The following RPS6KA2 variants were observed in gnomAD, a reference collection of about 807,000 sequenced individuals.
The protein encoded by RPS6KA2 is ribosomal protein S6 kinase alpha-2.
RPS6KA2 carries 42 observed loss-of-function variants against 91.8 expected under a neutral mutation model. That is an observed-to-expected ratio of 0.46 (90% CI 0.36 to 0.59). The LOEUF (loss-of-function observed/expected upper bound fraction) is 0.59. Ranked by LOEUF, RPS6KA2 falls within the 20% of genes least tolerant of loss-of-function variation. The probability of loss-of-function intolerance (pLI) is 0.00; values close to 1 mark genes in which losing one functional copy is unlikely to be tolerated. For synonymous variants in RPS6KA2, 414 were observed against 393.6 expected (o/e 1.05, Z -0.61); for missense variants, 798 against 978.5 (o/e 0.82, Z 2.46).
chr6:166,659,247 A>T (rs541748589), intron 2 of RPS6KA2, among the ~76,000 whole-genome samples: 1 of 152,364 alleles, frequency 6.6e-6, no homozygotes, highest in East Asian at 1.9e-4. Flanking sequence ...ATTAAAAACC[A>T]AAATTAAAAC....
intron 10 of RPS6KA2, among the ~76,000 whole-genome samples, chr6:166,486,265 C>G (rs1304477452): frequency 3.2e-5 from 2 of 62,064 alleles, no homozygotes; most frequent in African/African-American, 1.6e-4. Flanking sequence ...AGCACACACA[C>G]ACACATGTGC....
intron 1 of RPS6KA2, among the ~76,000 whole-genome samples, chr6:166,594,170 G>A (rs1350916691): frequency 2.0e-5 from 3 of 152,148 alleles, no homozygotes; most frequent in Non-Finnish European, 2.9e-5. Context: ...AATGGTGGCG[G>A]TAAAATTCTG....
rs1790356376 is a variant in RPS6KA2 at position 166,726,954 on chromosome 6, T to A, written c.123+131246A>T. Among the ~76,000 whole-genome samples the A allele has an allele frequency of 6.6e-6, 1 of 152,192 alleles. No homozygotes were observed. The highest frequency in any genetic ancestry group is 6.5e-5 in the Admixed American group (1 of 15,290). On this transcript the variant is annotated intron_variant, in intron 2 of 21. Transcript: ENST00000503859. This position sits in a 1 kb window ranked among gnomAD's most constrained non-coding sequence, Gnocchi z 4.4. ...TGATTTCCGTGAAGAATTTCCCACTTGCACTCATGAAGACATGGCCATTCC... is the reference window on the plus strand; with the variant it reads ...TGATTTCCGTGAAGAATTTCCCACTAGCACTCATGAAGACATGGCCATTCC...
chr6:166,561,869 C>T (rs1181573947), intron 1 of RPS6KA2, among the ~76,000 whole-genome samples: 1 of 152,114 alleles, frequency 6.6e-6, no homozygotes, highest in Non-Finnish European at 1.5e-5. Flanking sequence ...AAGCAACTGG[C>T]TTTCATACCA....
intron 2 of RPS6KA2, among the ~76,000 whole-genome samples, chr6:166,837,241 A>C (rs1360118433): frequency 6.6e-6 from 1 of 151,734 alleles, no homozygotes; most frequent in Non-Finnish European, 1.5e-5. Flanking sequence ...GCCCACCCCC[A>C]CGGAGCAGCC....
chr6:166,688,321 C>G (rs74981961), intron 2 of RPS6KA2, among the ~76,000 whole-genome samples: 8,287 of 152,214 alleles, frequency 0.054, 357 homozygotes, highest in East Asian at 0.15. Context: ...CACTGGGACA[C>G]TGCACAGGGC....
At chr6:166,812,072 G>A (rs115864865) in intron 2 of RPS6KA2, among the ~76,000 whole-genome samples, 1 of 152,152 alleles carries the variant, frequency 6.6e-6, no homozygotes, top group African/African-American at 2.4e-5. Context: ...GAAAGCAAGC[G>A]GGTCGGTTGT....
chr6:166,561,695 C>G (rs1784349921), intron 1 of RPS6KA2, among the ~76,000 whole-genome samples: 1 of 152,052 alleles, frequency 6.6e-6, no homozygotes, highest in South Asian at 2.1e-4. Flanking sequence ...TGCCCCAAAG[C>G]CTTGGAAAAG....
chr6:166,575,909 T>C (rs1056775843), intron 1 of RPS6KA2, among the ~76,000 whole-genome samples: 1 of 152,200 alleles, frequency 6.6e-6, no homozygotes, highest in African/African-American at 2.4e-5. Flanking sequence ...ATAGGTGATA[T>C]GGTTTGGTTC....
At position 166,785,570 on chromosome 6, in the gene RPS6KA2, C is replaced by T. The variant is rs1778907786; in HGVS notation, c.123+72630G>A. 4.6e-5 allele frequency among the ~76,000 whole-genome samples: 7 copies of T among 152,258 alleles called. No homozygotes were observed. In the South Asian group the frequency reaches 1.4e-3, roughly 31 times the overall value. ...GCTCCTGGTTCGAGAGCTCCACTCACGTGGTCCTTACGAGAATCTGAGCAA... is the reference window on the plus strand; with the variant it reads ...GCTCCTGGTTCGAGAGCTCCACTCATGTGGTCCTTACGAGAATCTGAGCAA... On this transcript the variant is annotated intron_variant, in intron 2 of 21. Transcript: ENST00000503859.
chr6:166,453,197 T>TCACACACAATCACACACA (rs1554275248), intron 12 of RPS6KA2, among the ~76,000 whole-genome samples: 1 of 141,150 alleles, frequency 7.1e-6, no homozygotes, highest in African/African-American at 2.6e-5. Flanking sequence ...TGAGACTCCA[T>TCACACACAATCACACACA]CACACACACA....
rs1231800755 is a variant in RPS6KA2 at position 166,662,398 on chromosome 6, A to C, written c.124-123614T>G. Among the ~76,000 whole-genome samples the C allele has an allele frequency of 6.6e-6, 1 of 152,132 alleles. No individual in the cohort carries two copies. The highest frequency in any genetic ancestry group is 1.5e-5 in the Non-Finnish European group (1 of 68,024). On this transcript the variant is annotated intron_variant, in intron 2 of 21. Transcript: ENST00000503859. This position sits in a 1 kb window ranked among gnomAD's most constrained non-coding sequence, Gnocchi z 4.3. The stretch of plus-strand genomic sequence containing the variant: ...ATGGGTTGGCGCAGGAGGTATGAAA[A>C]CTTACTCCAAATTACAGACACTTTA...
intron 2 of RPS6KA2, among the ~76,000 whole-genome samples, chr6:166,649,220 C>T (rs760381203): frequency 3.3e-5 from 5 of 152,166 alleles, no homozygotes; most frequent in Admixed American, 6.5e-5. Context: ...TGCCCCTGCG[C>T]CCGTCTGCGC....
rs1759834686 is a variant in RPS6KA2 at position 166,494,110 on chromosome 6, G to A, written c.748-3369C>T. ...TTAATCTGAAAACAGGCGAGGACAAGCCCTGACCTGAGATGGATGACTTGA... is the reference window on the plus strand; with the variant it reads ...TTAATCTGAAAACAGGCGAGGACAAACCCTGACCTGAGATGGATGACTTGA... On this transcript the variant is annotated intron_variant, in intron 8 of 20. Transcript: ENST00000265678. This position sits in a 1 kb window ranked among gnomAD's most constrained non-coding sequence, Gnocchi z 5.1. Among the ~76,000 whole-genome samples the A allele has an allele frequency of 6.6e-6, 1 of 152,198 alleles. No homozygotes were observed. Among genetic ancestry groups the A allele is most frequent in the Non-Finnish European group, 1.5e-5 (1 of 68,032 alleles).
intron 3 of RPS6KA2, among the ~76,000 whole-genome samples, chr6:166,520,287 G>A (rs1050944520): frequency 7.9e-5 from 12 of 151,202 alleles, no homozygotes; most frequent in Admixed American, 2.6e-4. Flanking sequence ...CCTGGTTCTC[G>A]GGACTTCGAA....
intron 2 of RPS6KA2, among the ~76,000 whole-genome samples, chr6:166,634,741 A>T (rs1787182117): frequency 6.6e-6 from 1 of 152,170 alleles, no homozygotes; most frequent in Admixed American, 6.5e-5. Context: ...CGCTGGGGCT[A>T]CAGGTGTGCG....
chr6:166,778,143 C>T (rs1296670683), intron 2 of RPS6KA2, among the ~76,000 whole-genome samples: 2 of 152,324 alleles, frequency 1.3e-5, no homozygotes, highest in African/African-American at 2.4e-5. Flanking sequence ...AGGGAGATAT[C>T]GGTGCTTACG....
At chr6:166,630,011 G>A (rs889568987), upstream of RPS6KA2, among the ~76,000 whole-genome samples, 7 of 152,148 alleles carry the variant, frequency 4.6e-5, no homozygotes, top group South Asian at 2.1e-4. Context: ...AAAGAAATGC[G>A]TAAGAGATGA....
chr6:166,773,396 G>T (rs1480634457), intron 2 of RPS6KA2, among the ~76,000 whole-genome samples: 5 of 150,486 alleles, frequency 3.3e-5, no homozygotes, highest in Non-Finnish European at 7.4e-5. Context: ...GTTTTTTTTT[G>T]TTTTGTTTTG....
Sources: allele counts gnomAD v4.1 joint callset (sites outside exome capture counted in the v4.1 genomes callset), GRCh38; gene constraint gnomAD v4.1.1; non-coding constraint Gnocchi (gnomAD v3.1); transcripts MANE v1.5; gene names NCBI Gene and HGNC (gene_info 2026-07-23, HGNC 2026-07-21).